SCAI: variants seen among roughly 807,000 people sequenced by gnomAD.
The protein encoded by SCAI is protein SCAI.
In SCAI, 24 loss-of-function variants were observed where a neutral mutation model predicts 92.2. That is an observed-to-expected ratio of 0.26 (90% CI 0.19 to 0.37). SCAI has a LOEUF of 0.37. Ranked by LOEUF, SCAI falls within the 10% of genes least tolerant of loss-of-function variation. The pLI, the probability that SCAI is intolerant of heterozygous loss-of-function variation, is 1.00. For missense variants in SCAI, 450 were observed against 736.2 expected, an observed-to-expected ratio of 0.61 and a Z score of 4.50; for synonymous variants, 261 against 258.6, an observed-to-expected ratio of 1.01 and a Z score of -0.09.
intron 2 of SCAI, among the ~76,000 whole-genome samples, chr9:125,138,249 CTT>C (rs10570060): frequency 0.071 from 7,348 of 104,188 alleles, 608 homozygotes; most frequent in African/African-American, 0.23. Context: ...ACTATTATTT[CTT>C]TTTTTTTTTT....
chr9:125,012,557 T>G (rs1278904757), intron 9 of SCAI, among the ~76,000 whole-genome samples: 1 of 152,114 alleles, frequency 6.6e-6, no homozygotes, highest in African/African-American at 2.4e-5. Flanking sequence ...CAAAGAGACT[T>G]AGACTCCCAC....
At chr9:125,043,609 T>C (rs912311608) in intron 3 of SCAI, among the ~76,000 whole-genome samples, 1 of 152,212 alleles carries the variant, frequency 6.6e-6, no homozygotes, top group Non-Finnish European at 1.5e-5. Flanking sequence ...TACAGGTGCA[T>C]GGCACCACAC....
At chr9:124,986,064 G>A (rs1282326150) in intron 14 of SCAI, among the ~76,000 whole-genome samples, 1 of 152,142 alleles carries the variant, frequency 6.6e-6, no homozygotes, top group African/African-American at 2.4e-5. Context: ...GGCCAAGGCA[G>A]GCAGATCACG....
At chr9:125,001,424 G>A (rs1832359064) in intron 12 of SCAI, among the ~76,000 whole-genome samples, 2 of 152,060 alleles carry the variant, frequency 1.3e-5, no homozygotes, top group Admixed American at 1.3e-4. Flanking sequence ...TTTTTATTCT[G>A]AAACAGCATC....
intron 2 of SCAI, chr9:125,065,915 C>T (rs1490438963): frequency 1.4e-6 from 1 of 700,354 alleles, no homozygotes; most frequent in Non-Finnish European, 2.6e-6. Flanking sequence ...ACCAACTCAG[C>T]AAACTAGGAA....
At chr9:125,138,209 C>T (rs1277227209) in intron 2 of SCAI, among the ~76,000 whole-genome samples, 1 of 151,002 alleles carries the variant, frequency 6.6e-6, no homozygotes, top group African/African-American at 2.4e-5. Flanking sequence ...AGGCACTATC[C>T]TAGGCACCTT....
intron 2 of SCAI, among the ~76,000 whole-genome samples, chr9:125,123,270 G>A (rs1835196192): frequency 6.7e-6 from 1 of 149,138 alleles, no homozygotes; most frequent in Admixed American, 7.1e-5. Context: ...GGCTGAGGCA[G>A]GAGAATTGCC....
rs563131871 is a variant in SCAI at position 124,986,300 on chromosome 9, A to G, written c.1326+8634T>C. ...ATCGAGACTCCGTCTCAAAAATAAAATAAAATAGAAAAGGGCAATGGAATA... is the reference window on the plus strand; with the variant it reads ...ATCGAGACTCCGTCTCAAAAATAAAGTAAAATAGAAAAGGGCAATGGAATA... On this transcript the variant is annotated intron_variant, in intron 14 of 17. Transcript: ENST00000336505. Among the ~76,000 whole-genome samples the G allele has an allele frequency of 2.9e-4, 44 of 152,316 alleles. No homozygotes were observed. In the South Asian group the frequency reaches 3.1e-3, roughly 11 times the overall value.
At chr9:125,126,567 G>GGGGTGT (rs1554794290) in intron 2 of SCAI, among the ~76,000 whole-genome samples, 7 of 128,500 alleles carry the variant, frequency 5.4e-5, no homozygotes, top group Admixed American at 4.7e-4. Context: ...GGTGGGTGTG[G>GGGGTGT]GTGTGTGTGT....
chr9:125,107,498 G>C (rs1834826169), intron 2 of SCAI, among the ~76,000 whole-genome samples: 1 of 152,140 alleles, frequency 6.6e-6, no homozygotes, highest in African/African-American at 2.4e-5. Context: ...AGGCAAGATA[G>C]CTCATGCTTG....
At chr9:125,011,929 C>A (rs545031059) in intron 9 of SCAI, among the ~76,000 whole-genome samples, 1 of 152,258 alleles carries the variant, frequency 6.6e-6, no homozygotes, top group South Asian at 2.1e-4. Flanking sequence ...TCCAGCCAAA[C>A]TAAGCTTGAT....
chr9:124,952,823 G>T lies in SCAI; in HGVS notation c.1805C>A (p.Thr602Asn). The T allele has an allele frequency of 6.2e-7, 1 of 1,612,352 alleles. No individual in the cohort carries two copies. Among genetic ancestry groups the T allele is most frequent in the Non-Finnish European group, 8.5e-7 (1 of 1,179,310 alleles). Reference protein sequence around the residue: ...LDVRNVFFENTIDDY With the variant: ...LDVRNVFFENNIDDY ...GTTTTTGTTTTAATAGTCATCAATG[G>T]TATTCTCAAAGAACACGTTTCGAAC... is the stretch of plus-strand genomic sequence containing the variant. Residue 602 changes from threonine to asparagine, a missense_variant, in exon 18 of 18, where the codon ACC becomes AAC. Coordinates refer to ENST00000336505, the MANE Select transcript of SCAI (RefSeq NM_001144877.3).
chr9:124,967,938 T>C (rs184858597), intron 17 of SCAI, among the ~76,000 whole-genome samples: 198 of 152,328 alleles, frequency 1.3e-3, no homozygotes, highest in African/African-American at 4.4e-3. Context: ...TTGCAGTAAG[T>C]CCTTCAAAGA....
intron 2 of SCAI, among the ~76,000 whole-genome samples, chr9:125,103,048 T>C (rs1834710417): frequency 6.6e-6 from 1 of 152,126 alleles, no homozygotes; most frequent in Non-Finnish European, 1.5e-5. Context: ...TCTACAGTCA[T>C]TTTTCCACTC....
chr9:124,964,411 C>G (rs1259277900), intron 17 of SCAI, among the ~76,000 whole-genome samples: 1 of 152,172 alleles, frequency 6.6e-6, no homozygotes, highest in Non-Finnish European at 1.5e-5. Flanking sequence ...TGAAGTCATG[C>G]ACAACATCTA....
At chr9:125,127,509 T>G (rs549051483) in intron 2 of SCAI, among the ~76,000 whole-genome samples, 1 of 151,582 alleles carries the variant, frequency 6.6e-6, no homozygotes, top group East Asian at 1.9e-4. Flanking sequence ...GGGTTACAGG[T>G]ACGAGCCACC....
intron 14 of SCAI, among the ~76,000 whole-genome samples, chr9:124,991,331 G>A (rs1665288463): frequency 1.0e-5 from 1 of 95,952 alleles, no homozygotes; most frequent in Non-Finnish European, 1.8e-5. Context: ...CAGCCTGGGT[G>A]ACAGAGCAAA....
chr9:125,086,993 T>C (rs1284653302), intron 2 of SCAI, among the ~76,000 whole-genome samples: 3 of 152,102 alleles, frequency 2.0e-5, no homozygotes, highest in African/African-American at 2.4e-5. Flanking sequence ...CCACCTAGAC[T>C]AGGACAATTC....
At chr9:124,971,607 T>G in intron 16 of SCAI, 64 bp downstream of exon 16, 1 of 1,459,960 alleles carries the variant, frequency 6.8e-7, no homozygotes, top group East Asian at 2.3e-5. Context: ...CAATTTAAAA[T>G]AAGTAACCAT....
Sources: allele counts gnomAD v4.1 joint callset (sites outside exome capture counted in the v4.1 genomes callset), GRCh38; gene constraint gnomAD v4.1.1; transcripts MANE v1.5; gene names NCBI Gene and HGNC (gene_info 2026-07-23, HGNC 2026-07-21).